CEP85L: variants seen among roughly 807,000 people sequenced by gnomAD.
CEP85L encodes centrosomal protein 85L.
In CEP85L, 60 loss-of-function variants were observed where a neutral mutation model predicts 100.3. The observed-to-expected ratio is 0.60, with a 90% confidence interval of 0.49 to 0.74. CEP85L has a LOEUF of 0.74. Ranked by LOEUF, CEP85L falls within the 30% of genes least tolerant of loss-of-function variation. The pLI, the probability that CEP85L is intolerant of heterozygous loss-of-function variation, is 0.00. For missense variants in CEP85L, 973 were observed against 936.2 expected, an observed-to-expected ratio of 1.04 and a Z score of -0.51; for synonymous variants, 319 against 322.7, an observed-to-expected ratio of 0.99 and a Z score of 0.12.
chr6:118,535,734 G>T (rs1487079599), intron 3 of CEP85L, among the ~76,000 whole-genome samples: 1 of 152,116 alleles, frequency 6.6e-6, no homozygotes, highest in South Asian at 2.1e-4. Flanking sequence ...CGCAGTATTT[G>T]TGTTCCAGTA....
intron 1 of CEP85L, among the ~76,000 whole-genome samples, chr6:118,703,156 T>C (rs991782636): frequency 6.6e-6 from 1 of 152,134 alleles, no homozygotes; most frequent in Non-Finnish European, 1.5e-5. Context: ...AAATCAGTCT[T>C]TTGGTGGGGG....
At chr6:118,632,280 C>T (rs555042497) in intron 2 of CEP85L, among the ~76,000 whole-genome samples, 173 bp downstream of exon 2, 36 of 152,230 alleles carry the variant, frequency 2.4e-4, no homozygotes, top group Admixed American at 1.2e-3. Context: ...TGAGCCACCG[C>T]GCCCGGTCGA....
intron 2 of CEP85L, among the ~76,000 whole-genome samples, chr6:118,620,219 G>A (rs921820130): frequency 6.6e-6 from 1 of 152,070 alleles, no homozygotes; most frequent in Non-Finnish European, 1.5e-5. Context: ...CCCAATCAGC[G>A]GCCAATATTA....
intron 2 of CEP85L, among the ~76,000 whole-genome samples, chr6:118,617,847 C>T (rs562251101): frequency 1.0e-3 from 159 of 152,286 alleles, no homozygotes; most frequent in African/African-American, 3.5e-3. Flanking sequence ...CCAACTGCCA[C>T]GCAGTGAGTA....
upstream of CEP85L, among the ~76,000 whole-genome samples, chr6:118,653,840 T>C (rs1389218402): frequency 6.6e-6 from 1 of 151,530 alleles, no homozygotes; most frequent in Non-Finnish European, 1.5e-5. Flanking sequence ...TTTTTAAGAA[T>C]ATAAACTAGA....
intron 5 of CEP85L, 136 bp downstream of exon 5, chr6:118,511,162 G>A: frequency 1.6e-6 from 1 of 629,982 alleles, no homozygotes; most frequent in Non-Finnish European, 2.7e-6. Flanking sequence ...GACACTCTTT[G>A]CCACACATAT....
At chr6:118,547,616 G>A (rs1286411789) in intron 3 of CEP85L, among the ~76,000 whole-genome samples, 1 of 151,988 alleles carries the variant, frequency 6.6e-6, no homozygotes, top group African/African-American at 2.4e-5. Flanking sequence ...TTTTGGGGGT[G>A]TTGTATGTAT....
chr6:118,516,050 T>C (rs1776256434), intron 4 of CEP85L, among the ~76,000 whole-genome samples: 1 of 152,184 alleles, frequency 6.6e-6, no homozygotes, highest in African/African-American at 2.4e-5. Context: ...GTTTCCAGCT[T>C]CATCCATGTC....
At chr6:118,675,790 G>A (rs1342196861) in intron 1 of CEP85L, among the ~76,000 whole-genome samples, 2 of 151,908 alleles carry the variant, frequency 1.3e-5, no homozygotes, top group Non-Finnish European at 2.9e-5. Context: ...GCAGTAAAGA[G>A]CAAAATTGGA....
chr6:118,495,828 T>C (rs1250125694), intron 5 of CEP85L, among the ~76,000 whole-genome samples: 1 of 152,144 alleles, frequency 6.6e-6, no homozygotes, highest in Non-Finnish European at 1.5e-5. Flanking sequence ...TGAGGCACAG[T>C]TGTTAAAGAG....
intron 2 of CEP85L, among the ~76,000 whole-genome samples, chr6:118,623,283 C>G (rs565319683): frequency 2.4e-4 from 37 of 152,308 alleles, no homozygotes; most frequent in African/African-American, 8.4e-4. Flanking sequence ...GGCAGTTAAA[C>G]TTCACCCACA....
At chr6:118,662,668 C>T (rs1776014071) in intron 1 of CEP85L, among the ~76,000 whole-genome samples, 1 of 152,144 alleles carries the variant, frequency 6.6e-6, no homozygotes, top group South Asian at 2.1e-4. Flanking sequence ...TTCCACCTGA[C>T]TCTAGAATCT....
At chr6:118,579,223 C>CA (rs577198005) in intron 2 of CEP85L, among the ~76,000 whole-genome samples, 55 of 150,958 alleles carry the variant, frequency 3.6e-4, no homozygotes, top group South Asian at 3.5e-3. Context: ...AATCAAAAAA[C>CA]AAAAAAACAG....
rs533439175 is a variant in CEP85L at position 118,614,227 on chromosome 6, T to C, written c.232+18226A>G. ...CTAGGAATAAGAAGTGCCCTCAAAT[T>C]GATAAATGGTATCTACAAAAACCTA... On this transcript the variant is annotated intron_variant, in intron 2 of 12. Transcript: ENST00000368491. Among the ~76,000 whole-genome samples the C allele has an allele frequency of 5.3e-5, 8 of 152,298 alleles. No homozygotes were observed. The South Asian group carries it at 1.2e-3, about 24-fold the overall frequency.
At chr6:118,519,432 CTGTGTGTGTGTGTGTGTGTGTGTGTG>C (rs546998242) in intron 4 of CEP85L, among the ~76,000 whole-genome samples, 1 of 23,958 alleles carries the variant, frequency 4.2e-5, no homozygotes, top group Non-Finnish European at 7.1e-5. Context: ...GAGCAAAACT[CTGTGTGTGTGTGTGTGTGTGTGTGTG>C]TGTGTGTGTG....
intron 2 of CEP85L, among the ~76,000 whole-genome samples, chr6:118,614,861 C>CAGATAGAT (rs1231484850): frequency 2.3e-4 from 32 of 142,048 alleles, no homozygotes; most frequent in Middle Eastern, 3.2e-3. Flanking sequence ...GACAGACAGA[C>CAGATAGAT]AGACAGATAG....
chr6:118,686,394 C>T (rs1310281905), intron 1 of CEP85L, among the ~76,000 whole-genome samples: 1 of 152,144 alleles, frequency 6.6e-6, no homozygotes, highest in Non-Finnish European at 1.5e-5. Context: ...CACTCCCAGT[C>T]CCAGGCAATC....
intron 4 of CEP85L, among the ~76,000 whole-genome samples, chr6:118,513,019 C>T (rs1776058728): frequency 6.6e-6 from 1 of 151,994 alleles, no homozygotes; most frequent in Non-Finnish European, 1.5e-5. Context: ...AATGAACGAA[C>T]ATGTTAAGAG....
chr6:118,651,119 G>A, intron 1 of CEP85L, 78 bp downstream of exon 1: 1 of 1,431,394 alleles, frequency 7.0e-7, no homozygotes, highest in Non-Finnish European at 9.1e-7. Flanking sequence ...GAGGCGGGAG[G>A]GGAGCGGCGG....
Sources: gnomAD v4.1 joint callset for allele counts (sites outside exome capture counted in the v4.1 genomes callset) on GRCh38, gnomAD v4.1.1 for gene constraint, MANE v1.5 for transcripts, NCBI Gene and HGNC (gene_info 2026-07-23, HGNC 2026-07-21) for gene names.